Variants in CYRIB observed in about 807,000 individuals in gnomAD.
CYRIB encodes CYFIP related Rac1 interactor B.
A neutral mutation model predicts 44.2 loss-of-function variants in CYRIB; 8 were observed. The ratio of observed to expected loss-of-function variants is 0.18; its 90% CI spans 0.11 to 0.33. The LOEUF (loss-of-function observed/expected upper bound fraction) is 0.33, where lower values mean the gene tolerates loss of function less well. Ranked by LOEUF, CYRIB falls within the 10% of genes least tolerant of loss-of-function variation. The probability of loss-of-function intolerance (pLI) is 1.00; values close to 1 mark genes in which losing one functional copy is unlikely to be tolerated. For synonymous variants in CYRIB, 131 were observed against 127.2 expected (o/e 1.03, Z -0.20); for missense variants, 185 against 382.8 (o/e 0.48, Z 4.31).
chr8:129,970,727 T>C (rs1010986291), intron 2 of CYRIB: 1 of 152,108 alleles, frequency 6.6e-6, no homozygotes, highest in African/African-American at 2.4e-5. Context: ...CTAAAAACCT[T>C]GTAGGTTCAT....
intron 4 of CYRIB, among the ~76,000 whole-genome samples, chr8:129,862,725 G>A (rs1456192088): frequency 6.6e-6 from 1 of 152,130 alleles, no homozygotes; most frequent in Non-Finnish European, 1.5e-5. Flanking sequence ...ACCCACCTTG[G>A]CCTCCCAAAG....
chr8:130,004,761 ATTTTTTT>A (rs775327457), intron 1 of CYRIB, among the ~76,000 whole-genome samples: 294 of 123,880 alleles, frequency 2.4e-3, no homozygotes, highest in African/African-American at 8.3e-3. Context: ...ATTGTCAGGA[ATTTTTTT>A]TTTTTTTTTT....
chr8:129,859,041 C>T (rs976386884), intron 5 of CYRIB, among the ~76,000 whole-genome samples: 2 of 152,082 alleles, frequency 1.3e-5, no homozygotes, highest in African/African-American at 2.4e-5. Flanking sequence ...ACCACCAAGA[C>T]GCAGAGACCG....
chr8:129,936,806 A>C (rs914651246), intron 1 of CYRIB, among the ~76,000 whole-genome samples: 10 of 146,736 alleles, frequency 6.8e-5, no homozygotes, highest in African/African-American at 2.3e-4. Flanking sequence ...TCCCGGGTTC[A>C]TGCCATTCTC....
intron 1 of CYRIB, among the ~76,000 whole-genome samples, chr8:129,924,956 T>G (rs2086595026): frequency 6.6e-6 from 1 of 152,174 alleles, no homozygotes; most frequent in African/African-American, 2.4e-5. Flanking sequence ...GTCAAATTTT[T>G]CTCATTTAAA....
At chr8:129,888,916 A>G (rs1053358505) in intron 2 of CYRIB, among the ~76,000 whole-genome samples, 3 of 152,128 alleles carry the variant, frequency 2.0e-5, no homozygotes, top group Admixed American at 6.5e-5. Flanking sequence ...AACATGGTGA[A>G]ACCCCATCTC....
intron 4 of CYRIB, among the ~76,000 whole-genome samples, chr8:129,862,617 C>T (rs922762935): frequency 3.3e-5 from 5 of 152,056 alleles, no homozygotes; most frequent in Non-Finnish European, 4.4e-5. Flanking sequence ...ACTACAGGCA[C>T]GCGCCACCAC....
chr8:129,871,641 A>G, intron 3 of CYRIB, 145 bp from the exon 6 acceptor site: 1 of 794,480 alleles, frequency 1.3e-6, no homozygotes, highest in Admixed American at 3.3e-5. Flanking sequence ...AGAAAAGACT[A>G]ATACTTTTTC....
intron 4 of CYRIB, among the ~76,000 whole-genome samples, chr8:129,865,552 A>G (rs2053045380): frequency 6.6e-6 from 1 of 152,236 alleles, no homozygotes; most frequent in Non-Finnish European, 1.5e-5. Context: ...CTTCTGAGAG[A>G]AAAGTTTCCA....
At chr8:129,998,159 C>T (rs533462772) in intron 1 of CYRIB, among the ~76,000 whole-genome samples, 16 of 149,802 alleles carry the variant, frequency 1.1e-4, no homozygotes, top group East Asian at 1.9e-4. Flanking sequence ...ACCTCAGAAA[C>T]GGAGGCTGCC....
intron 1 of CYRIB, among the ~76,000 whole-genome samples, chr8:130,015,156 G>T (rs1274892583): frequency 6.6e-6 from 1 of 152,160 alleles, no homozygotes; most frequent in Non-Finnish European, 1.5e-5. Context: ...TTGCTCCCTG[G>T]AGATCCTGGA....
upstream of CYRIB, among the ~76,000 whole-genome samples, chr8:129,943,899 G>A (rs182352642): frequency 3.7e-3 from 497 of 134,720 alleles, 8 homozygotes; most frequent in African/African-American, 0.013. Flanking sequence ...GCGCCCCGCC[G>A]AGACTCCATC....
intron 2 of CYRIB, among the ~76,000 whole-genome samples, chr8:129,897,835 G>C (rs2068879595): frequency 6.6e-6 from 1 of 151,896 alleles, no homozygotes; most frequent in Non-Finnish European, 1.5e-5. Flanking sequence ...GAGCAATCTT[G>C]GCTCACTGCA....
intron 1 of CYRIB, among the ~76,000 whole-genome samples, chr8:130,003,591 G>A (rs1395623372): frequency 6.6e-6 from 1 of 152,220 alleles, no homozygotes; most frequent in African/African-American, 2.4e-5. Flanking sequence ...GATCCATAAT[G>A]CATGCGAGGA....
chr8:129,885,532 A>C (rs530260819), intron 2 of CYRIB, among the ~76,000 whole-genome samples: 75 of 152,276 alleles, frequency 4.9e-4, no homozygotes, highest in African/African-American at 1.8e-3. Flanking sequence ...TAACATTTGA[A>C]CTGTACAATT....
chr8:129,888,488 T>A (rs1452426372), intron 2 of CYRIB, among the ~76,000 whole-genome samples: 1 of 152,226 alleles, frequency 6.6e-6, no homozygotes, highest in Non-Finnish European at 1.5e-5. Context: ...TACTCTCCAC[T>A]GCACACATGC....
intron 1 of CYRIB, among the ~76,000 whole-genome samples, chr8:129,974,738 C>G (rs10107362): frequency 0.47 from 69,429 of 149,094 alleles, 17,905 homozygotes; most frequent in African/African-American, 0.69. Context: ...TTTTAAACTT[C>G]AAACAGGGTC....
At chr8:129,875,243 G>T (rs2058701495) in intron 3 of CYRIB, among the ~76,000 whole-genome samples, 1 of 151,176 alleles carries the variant, frequency 6.6e-6, no homozygotes, top group Non-Finnish European at 1.5e-5. Context: ...ACAACTAGAA[G>T]AGGCTATGCA....
chr8:129,997,561 G>A (rs2096802691), intron 1 of CYRIB, among the ~76,000 whole-genome samples: 1 of 152,220 alleles, frequency 6.6e-6, no homozygotes, highest in Non-Finnish European at 1.5e-5. Context: ...GCACATAAAT[G>A]TGTGCAGGGC....
Sources: gnomAD v4.1 joint callset for allele counts (sites outside exome capture counted in the v4.1 genomes callset) on GRCh38, gnomAD v4.1.1 for gene constraint, MANE v1.5 for transcripts, NCBI Gene and HGNC (gene_info 2026-07-23, HGNC 2026-07-21) for gene names.